Variants in EDEM2 observed in about 807,000 individuals in gnomAD.
EDEM2 encodes ER degradation enhancing alpha-mannosidase like protein 2.
EDEM2 carries 39 observed loss-of-function variants against 64.8 expected under a neutral mutation model. The ratio of observed to expected loss-of-function variants is 0.60; its 90% CI spans 0.47 to 0.79. The LOEUF is 0.79. EDEM2 is among the 30% of genes least tolerant of loss of function. The pLI is 0.00. For synonymous variants in EDEM2, 296 were observed against 291.5 expected, an observed-to-expected ratio of 1.02 and a Z score of -0.16; for missense variants, 609 against 731.3, an observed-to-expected ratio of 0.83 and a Z score of 1.93.
intron 9 of EDEM2, among the ~76,000 whole-genome samples, chr20:35,121,031 G>A (rs1364026570): frequency 6.6e-6 from 1 of 152,196 alleles, no homozygotes; most frequent in Non-Finnish European, 1.5e-5. Context: ...CTGTCGAGCA[G>A]TGGTCCCCAA....
intron 7 of EDEM2, among the ~76,000 whole-genome samples, chr20:35,129,971 C>T (rs549086290): frequency 1.3e-3 from 192 of 152,264 alleles, no homozygotes; most frequent in Non-Finnish European, 2.4e-3. Context: ...AATCACCTAA[C>T]GATGCAATTC....
At chr20:35,126,199 C>T in intron 8 of EDEM2, 52 bp downstream of exon 8, 2 of 1,589,434 alleles carry the variant, frequency 1.3e-6, no homozygotes, top group South Asian at 1.1e-5. Flanking sequence ...TCAGAATGAG[C>T]TTGCTTTGCC....
intron 9 of EDEM2, among the ~76,000 whole-genome samples, chr20:35,119,421 C>T (rs2146086680): frequency 6.6e-6 from 1 of 152,098 alleles, no homozygotes; most frequent in South Asian, 2.1e-4. Flanking sequence ...ATGGCGAGAT[C>T]TTGTCTCTAC....
Position 35,134,888 on chromosome 20 carries a change from T to C in EDEM2, c.552A>G (p.Pro184=). The C allele has an allele frequency of 6.2e-7, 1 of 1,614,188 alleles. No homozygotes were observed. The highest frequency in any genetic ancestry group is 8.5e-7 in the Non-Finnish European group (1 of 1,180,024). ...GTVNLLHGVN[P]GETPVTCTAG... is the part of the protein sequence containing the mutation. ...CCGTACAGGTGACAGGGGTCTCTCC[T>C]GGGTTCACGCCATGAAGTAAGTTCA... Residue 184 remains proline (P), a synonymous_variant, in exon 6 of 11, where the codon CCA becomes CCG. Coordinates refer to ENST00000374492, the MANE Select transcript of EDEM2 (RefSeq NM_018217.3).
At chr20:35,127,954 G>A (rs939949395) in intron 7 of EDEM2, among the ~76,000 whole-genome samples, 10 of 152,160 alleles carry the variant, frequency 6.6e-5, no homozygotes, top group African/African-American at 2.2e-4. Context: ...TGATACTGGT[G>A]TAAACACACC....
At position 35,134,875 on chromosome 20, in the gene EDEM2, CAG is replaced by C. The variant is rs745334644; in HGVS notation, c.563_564del (p.Pro188ArgfsTer13). The part of the protein sequence containing the change: ...LLHGVNPGET[P>X]VTCTAGIGTF... Reference sequence around the variant, plus strand: ...GTCCCAATCCCTGCCGTACAGGTGACAGGGGTCTCTCCTGGGTTCACGCCATG... The same window carrying C: ...GTCCCAATCCCTGCCGTACAGGTGACGGGTCTCTCCTGGGTTCACGCCATG... On this transcript the variant is annotated frameshift_variant, in exon 6 of 11. Coordinates refer to ENST00000374492, the MANE Select transcript of EDEM2 (RefSeq NM_018217.3). LOFTEE classifies it high-confidence loss of function. 3 of 1,614,194 alleles carry C rather than the reference CAG, an allele frequency of 1.9e-6. No individual in the cohort carries two copies. Among genetic ancestry groups the C allele is most frequent in the Non-Finnish European group, 2.5e-6 (3 of 1,180,044 alleles).
chr20:35,116,422 C>T (rs2085309968), intron 10 of EDEM2, among the ~76,000 whole-genome samples: 1 of 152,172 alleles, frequency 6.6e-6, no homozygotes, highest in African/African-American at 2.4e-5. Flanking sequence ...CTGCTCCCTT[C>T]CTGCCCTCAC....
In EDEM2 at chr20:35,145,094, C is replaced by T. The variant is rs2085711388; in HGVS notation, c.219-76G>A. On this transcript the variant is annotated intron_variant, in intron 2 of 10. Coordinates refer to ENST00000374492, the MANE Select transcript of EDEM2 (RefSeq NM_018217.3). ...ATATTATGGCTGCCCTAGATCTGAT[C>T]CCCCTAAAACTAAATGAGGCAAAGT... is the stretch of plus-strand genomic sequence containing the variant. The T allele has an allele frequency of 6.1e-6, 9 of 1,473,316 alleles. No homozygotes were observed. In the East Asian group the frequency reaches 1.6e-4, roughly 26 times the overall value. The allele number at this position is 1,473,316 out of a possible 1,614,324, so 91.3% of individuals were successfully genotyped here. A position where few individuals can be genotyped will look rare whatever the true frequency, so the allele number is the denominator to read the frequency against.
At chr20:35,141,264 T>C (rs969518650) in intron 4 of EDEM2, among the ~76,000 whole-genome samples, 6 of 151,396 alleles carry the variant, frequency 4.0e-5, no homozygotes, top group Non-Finnish European at 8.8e-5. Flanking sequence ...AAACAAAATA[T>C]AATACACTAT....
intron 7 of EDEM2, among the ~76,000 whole-genome samples, chr20:35,127,591 T>A (rs1158744402): frequency 6.6e-6 from 1 of 152,214 alleles, no homozygotes; most frequent in African/African-American, 2.4e-5. Flanking sequence ...ATAAATAAGA[T>A]AATCTCAAAC....
chr20:35,120,051 G>A (rs563096088), intron 9 of EDEM2, among the ~76,000 whole-genome samples: 125 of 152,094 alleles, frequency 8.2e-4, no homozygotes, highest in Middle Eastern at 3.4e-3. Flanking sequence ...GCAAACTCTG[G>A]TTCTTATTTT....
chr20:35,129,317 G>A (rs1044753490), intron 7 of EDEM2, among the ~76,000 whole-genome samples: 4 of 152,028 alleles, frequency 2.6e-5, no homozygotes, highest in African/African-American at 7.3e-5. Context: ...TGAGGAAGGA[G>A]AATTGCTAGA....
Position 35,123,314 on chromosome 20 carries a change from C to T in EDEM2, c.1114+576G>A, listed in dbSNP as rs570139421. On this transcript the variant is annotated intron_variant, in intron 9 of 10. Coordinates refer to ENST00000374492, the MANE Select transcript of EDEM2 (RefSeq NM_018217.3). ...CCTGATTTGAAAGAGCATATGGGGC[C>T]AGTCGCAGTGGCTCACATCTGTAAT... Among the ~76,000 whole-genome samples, 3 of 152,130 alleles carry T rather than the reference C, an allele frequency of 2.0e-5. No homozygotes were observed. In the East Asian group the frequency reaches 5.8e-4, roughly 29 times the overall value.
Position 35,134,723 on chromosome 20 carries a change from C to T in EDEM2, c.702+15G>A. 2 of 1,612,006 alleles carry T rather than the reference C, an allele frequency of 1.2e-6. No homozygotes were observed. The highest frequency in any genetic ancestry group is 8.5e-7 in the Non-Finnish European group (1 of 1,179,690). On this transcript the variant is annotated intron_variant, in intron 6 of 10. Transcript: ENST00000374492. ...TAAGCAGGGACTCAAACAGGAAGGG[C>T]AGCAGCGAACCTACCAGCCCGATAT...
Position 35,124,040 on chromosome 20 carries a change from G to A in EDEM2, c.970-6C>T. The A allele has an allele frequency of 6.2e-7, 1 of 1,608,972 alleles. No individual in the cohort carries two copies. The highest frequency in any genetic ancestry group is 8.5e-7 in the Non-Finnish European group (1 of 1,175,954). ...TCAATGTCTCCAATGAGGCTCTGTG[G>A]GAGAAAGTGGCTGTCAGGCAGGTAG... On this transcript the variant is annotated splice_region_variant and splice_polypyrimidine_tract_variant and intron_variant, in intron 8 of 10. Transcript: ENST00000374492.
At chr20:35,119,831 T>C (rs73903011) in intron 9 of EDEM2, among the ~76,000 whole-genome samples, 4,386 of 152,076 alleles carry the variant, frequency 0.029, 220 homozygotes, top group African/African-American at 0.1. Context: ...CCAAAAAAAA[T>C]GTGTTTATTG....
chr20:35,121,013 G>T (rs899603047), intron 9 of EDEM2, among the ~76,000 whole-genome samples: 5 of 152,158 alleles, frequency 3.3e-5, no homozygotes, highest in Non-Finnish European at 1.5e-5. Flanking sequence ...CTGTGCATCT[G>T]ACCAACTCTG....
At chr20:35,124,435 C>T (rs1405401542) in intron 8 of EDEM2, among the ~76,000 whole-genome samples, 2 of 152,204 alleles carry the variant, frequency 1.3e-5, no homozygotes, top group Non-Finnish European at 2.9e-5. Context: ...GGGTCTCGCT[C>T]TGTCACCTAG....
chr20:35,123,317 T>C (rs537610029), intron 9 of EDEM2, among the ~76,000 whole-genome samples: 1 of 152,042 alleles, frequency 6.6e-6, no homozygotes, highest in South Asian at 2.1e-4. Context: ...ATGGGGCCAG[T>C]CGCAGTGGCT....
Sources: allele counts gnomAD v4.1 joint callset (sites outside exome capture counted in the v4.1 genomes callset), GRCh38; gene constraint gnomAD v4.1.1; transcripts MANE v1.5; gene names NCBI Gene and HGNC (gene_info 2026-07-23, HGNC 2026-07-21).